TACR3: variants seen among roughly 807,000 people sequenced by gnomAD.
The protein encoded by TACR3 is neuromedin-K receptor.
In TACR3, 34 loss-of-function variants were observed where a neutral mutation model predicts 35.0. The observed-to-expected ratio is 0.97, with a 90% CI of 0.74 to 1.30. The LOEUF is 1.30. TACR3 is among the 50% of genes most tolerant of loss of function. TACR3 has a pLI of 0.00. For synonymous variants in TACR3, 233 were observed against 221.1 expected (o/e 1.05, Z -0.48); for missense variants, 558 against 591.7 (o/e 0.94, Z 0.59).
chr4:103,672,203 C>T (rs1445153093), intron 1 of TACR3, among the ~76,000 whole-genome samples: 1 of 152,102 alleles, frequency 6.6e-6, no homozygotes, highest in Non-Finnish European at 1.5e-5. Context: ...GCAGTTACTT[C>T]CTTCACTGAA....
chr4:103,714,096 T>C (rs1578270133), intron 1 of TACR3, among the ~76,000 whole-genome samples: 2 of 151,294 alleles, frequency 1.3e-5, no homozygotes, highest in East Asian at 3.9e-4. Flanking sequence ...GACATTTTTC[T>C]TTTTTTTGGA....
chr4:103,611,855 C>T (rs1390215219), intron 3 of TACR3, among the ~76,000 whole-genome samples: 1 of 152,128 alleles, frequency 6.6e-6, no homozygotes, highest in Non-Finnish European at 1.5e-5. Flanking sequence ...TGGTTTTCCT[C>T]ATTTTCACTG....
rs1010806079 is a variant in TACR3 at position 103,587,064 on chromosome 4, A to G, written c.*2618T>C. 7 of 152,058 alleles carry G rather than the reference A, an allele frequency of 4.6e-5. No individual in the cohort carries two copies. The highest frequency in any genetic ancestry group is 1.4e-4 in the African/African-American group (6 of 41,390). The allele number at this position is 152,058 out of a possible 1,614,324, so 9.4% of individuals were successfully genotyped here. A position where few individuals can be genotyped will look rare whatever the true frequency, so the allele number is the denominator to read the frequency against. ...TTGCCTTCAAACAATGGAAAGATTC[A>G]TACTGAACTTTAGAAACAGAGGGTA... On this transcript the variant is annotated 3_prime_UTR_variant, in exon 5 of 5. Transcript: ENST00000304883.
chr4:103,685,982 G>C (rs970771737), intron 1 of TACR3, among the ~76,000 whole-genome samples: 2 of 152,118 alleles, frequency 1.3e-5, no homozygotes, highest in African/African-American at 4.8e-5. Context: ...CTCTTACCTA[G>C]GGTATTTGTT....
At chr4:103,607,690 A>G (rs1245745038) in intron 3 of TACR3, among the ~76,000 whole-genome samples, 1 of 152,130 alleles carries the variant, frequency 6.6e-6, no homozygotes, top group Non-Finnish European at 1.5e-5. Context: ...TTTAGATGAT[A>G]TTTAATGCCA....
At chr4:103,682,362 G>A (rs1028539740) in intron 1 of TACR3, among the ~76,000 whole-genome samples, 1 of 152,132 alleles carries the variant, frequency 6.6e-6, no homozygotes, top group Non-Finnish European at 1.5e-5. Flanking sequence ...GTTCCACATG[G>A]TTGGGGAGGA....
At chr4:103,640,239 T>C (rs1725323298) in intron 3 of TACR3, among the ~76,000 whole-genome samples, 1 of 152,082 alleles carries the variant, frequency 6.6e-6, no homozygotes, top group African/African-American at 2.4e-5. Context: ...CATTATAAAA[T>C]ATTGCAAAGA....
At position 103,589,305 on chromosome 4, in the gene TACR3, A is replaced by G. The variant is rs1351809503; in HGVS notation, c.*377T>C. On this transcript the variant is annotated 3_prime_UTR_variant, in exon 5 of 5. Transcript: ENST00000304883. ...GATTTTGTTTCCCTTCACTTACAAT[A>G]TTATGTTTTAAAGATTCTTTAATCT... 1 of 179,324 alleles carries G rather than the reference A, an allele frequency of 5.6e-6. No individual in the cohort carries two copies. The highest frequency in any genetic ancestry group is 1.3e-4 in the East Asian group (1 of 7,488). 11.1% of individuals were successfully genotyped at this position (179,324 alleles called of 1,614,324 possible). A position where few individuals can be genotyped will look rare whatever the true frequency, so the allele number is the denominator to read the frequency against.
intron 4 of TACR3, 23 bp downstream of exon 4, chr4:103,591,464 G>A (rs981727345): frequency 6.2e-7 from 1 of 1,612,948 alleles, no homozygotes; most frequent in Non-Finnish European, 8.5e-7. Context: ...CAAGCAACTT[G>A]CATTTCGTAG....
At chr4:103,637,849 G>A (rs1195735389) in intron 3 of TACR3, among the ~76,000 whole-genome samples, 1 of 152,054 alleles carries the variant, frequency 6.6e-6, no homozygotes, top group African/African-American at 2.4e-5. Context: ...TTGCTACAAA[G>A]AGAATAAAAA....
At chr4:103,637,473 G>A (rs1401585379) in intron 3 of TACR3, among the ~76,000 whole-genome samples, 2 of 152,070 alleles carry the variant, frequency 1.3e-5, no homozygotes, top group Non-Finnish European at 2.9e-5. Context: ...CAAACCCACA[G>A]CCAATATCAT....
At chr4:103,634,110 T>C (rs894017721) in intron 3 of TACR3, among the ~76,000 whole-genome samples, 2 of 152,122 alleles carry the variant, frequency 1.3e-5, no homozygotes, top group African/African-American at 4.8e-5. Context: ...CTTTTACTTT[T>C]GAGAGCACAA....
chr4:103,719,515 G>C lies in TACR3; in HGVS notation c.161C>G (p.Ser54Cys), dbSNP rs766282332. Residue 54 changes from serine (S) to cysteine (C), a missense_variant, in exon 1 of 5, where the codon TCC becomes TGC. By Grantham distance (112) the Ser-to-Cys change is moderately radical (BLOSUM62 -1). Coordinates refer to ENST00000304883, the MANE Select transcript of TACR3 (RefSeq NM_001059.3). ...LLDQAGNLSS[S>C]PSALGLPVAS... ...CACAGGCAGTCCCAGCGCGGAAGGG[G>C]AGGAGGAGAGGTTGCCAGCTTGGTC... 2.5e-6 allele frequency: 4 copies of C among 1,609,750 alleles called. No individual in the cohort carries two copies. The highest frequency in any genetic ancestry group is 3.4e-6 in the Non-Finnish European group (4 of 1,176,488).
At chr4:103,668,793 G>A (rs1325748777) in intron 1 of TACR3, among the ~76,000 whole-genome samples, 1 of 150,696 alleles carries the variant, frequency 6.6e-6, no homozygotes, top group Non-Finnish European at 1.5e-5. Context: ...AGGGTACAGA[G>A]AGCTGAGATT....
At chr4:103,645,668 C>T (rs572275420) in intron 3 of TACR3, among the ~76,000 whole-genome samples, 1 of 152,054 alleles carries the variant, frequency 6.6e-6, no homozygotes, top group African/African-American at 2.4e-5. Context: ...GAAATGAGTT[C>T]TGCACCCAAG....
chr4:103,634,535 G>C (rs1290291539), intron 3 of TACR3, among the ~76,000 whole-genome samples: 2 of 152,030 alleles, frequency 1.3e-5, no homozygotes, highest in Non-Finnish European at 2.9e-5. Flanking sequence ...AGAATGCATT[G>C]ATATGAATCT....
intron 3 of TACR3, among the ~76,000 whole-genome samples, chr4:103,603,744 C>A (rs1560803008): frequency 6.6e-6 from 1 of 152,128 alleles, no homozygotes; most frequent in African/African-American, 2.4e-5. Flanking sequence ...TGAGGAATTG[C>A]CACACTGTCT....
chr4:103,709,260 G>C (rs572563280), intron 1 of TACR3, among the ~76,000 whole-genome samples: 1 of 152,292 alleles, frequency 6.6e-6, no homozygotes, highest in East Asian at 1.9e-4. Flanking sequence ...CAGAGAGAAA[G>C]GTCGGGTTAC....
intron 3 of TACR3, among the ~76,000 whole-genome samples, chr4:103,620,984 A>C (rs13134657): frequency 0.13 from 19,972 of 152,262 alleles, 1,482 homozygotes; most frequent in Middle Eastern, 0.22. Flanking sequence ...TGAGTTGTTG[A>C]ATATCTAATG....
Sources: allele counts gnomAD v4.1 joint callset (sites outside exome capture counted in the v4.1 genomes callset), GRCh38; gene constraint gnomAD v4.1.1; transcripts MANE v1.5; gene names NCBI Gene and HGNC (gene_info 2026-07-23, HGNC 2026-07-21).